Variants in UBAP2 observed in about 807,000 individuals in gnomAD.
UBAP2 encodes ubiquitin-associated protein 2.
UBAP2 carries 75 observed loss-of-function variants against 139.6 expected under a neutral mutation model. That is an observed-to-expected ratio of 0.54 (90% CI 0.45 to 0.65). UBAP2 has a LOEUF of 0.65. Among genes scored for constraint, UBAP2 ranks in the 30% least tolerant of loss-of-function variants. The pLI, the probability that UBAP2 is intolerant of heterozygous loss-of-function variation, is 0.00. For missense variants in UBAP2, 1,368 were observed against 1,369.6 expected, an observed-to-expected ratio of 1.00 and a Z score of 0.02; for synonymous variants, 526 against 526.2, an observed-to-expected ratio of 1.00 and a Z score of 0.01.
chr9:34,009,645 G>A (rs887456828), intron 2 of UBAP2, among the ~76,000 whole-genome samples: 1 of 151,508 alleles, frequency 6.6e-6, no homozygotes, highest in Non-Finnish European at 1.5e-5. Context: ...AATTTTTGTA[G>A]AGACAGGTCT....
chr9:34,004,661 G>C (rs1286620330), intron 2 of UBAP2, among the ~76,000 whole-genome samples: 1 of 151,716 alleles, frequency 6.6e-6, no homozygotes, highest in Non-Finnish European at 1.5e-5. Flanking sequence ...GCGGGCACCT[G>C]TAGTCCCAGC....
chr9:33,942,792 A>G (rs1182038210), intron 15 of UBAP2, among the ~76,000 whole-genome samples: 1 of 152,130 alleles, frequency 6.6e-6, no homozygotes, highest in East Asian at 1.9e-4. Flanking sequence ...AAAATATTCC[A>G]CTGAAGGAAA....
intron 10 of UBAP2, among the ~76,000 whole-genome samples, chr9:33,958,342 A>G (rs1051750727): frequency 2.0e-5 from 3 of 152,166 alleles, no homozygotes; most frequent in African/African-American, 7.2e-5. Context: ...GAAAAAGAGA[A>G]AAAATAAATG....
At chr9:33,950,223 G>A (rs554738804) in intron 12 of UBAP2, among the ~76,000 whole-genome samples, 6 of 151,770 alleles carry the variant, frequency 4.0e-5, no homozygotes, top group Non-Finnish European at 7.4e-5. Flanking sequence ...CCACCACCAC[G>A]CCCGGCTTTT....
At position 33,928,048 on chromosome 9, in the gene UBAP2, G is replaced by A. The variant is rs965056202; in HGVS notation, c.2176-56C>T. ...CTGGAGGCAGAGGAGGAGGGTGCTGGGGAGAGCCTGGCCTGGCGCTTGGGC... is the reference window on the plus strand; with the variant it reads ...CTGGAGGCAGAGGAGGAGGGTGCTGAGGAGAGCCTGGCCTGGCGCTTGGGC... On this transcript the variant is annotated intron_variant, in intron 19 of 28. Coordinates refer to ENST00000379238, the MANE Select transcript of UBAP2 (RefSeq NM_001370062.2). The A allele has an allele frequency of 2.6e-6, 4 of 1,538,034 alleles. No individual in the cohort carries two copies. In the East Asian group the frequency reaches 6.8e-5, roughly 26 times the overall value.
chr9:34,016,587 G>A (rs553783601), intron 2 of UBAP2, among the ~76,000 whole-genome samples: 14 of 148,186 alleles, frequency 9.4e-5, no homozygotes, highest in African/African-American at 3.0e-4. Context: ...AAGGAGTCTC[G>A]CTTTGTCACC....
At chr9:34,008,780 C>G (rs2131239704) in intron 2 of UBAP2, among the ~76,000 whole-genome samples, 1 of 151,872 alleles carries the variant, frequency 6.6e-6, no homozygotes, top group African/African-American at 2.4e-5. Context: ...TCCTGGCCAA[C>G]ATGGTGAAAC....
At chr9:33,948,793 C>A in intron 12 of UBAP2, 1 of 489,628 alleles carries the variant, frequency 2.0e-6, no homozygotes, top group Non-Finnish European at 3.6e-6. Context: ...CTTCCTCATT[C>A]TGACATAAGA....
At chr9:33,942,045 G>C (rs995393647) in intron 15 of UBAP2, among the ~76,000 whole-genome samples, 183 bp from the exon 16 acceptor site, 1 of 152,188 alleles carries the variant, frequency 6.6e-6, no homozygotes, top group Non-Finnish European at 1.5e-5. Context: ...TGCGTGCGGT[G>C]GCTCACGCCT....
chr9:34,032,439 T>TC (rs1023711535), intron 1 of UBAP2, among the ~76,000 whole-genome samples: 4 of 152,140 alleles, frequency 2.6e-5, no homozygotes, highest in African/African-American at 9.7e-5. Flanking sequence ...CACTAGTTAC[T>TC]CTGTCCCAAG....
At chr9:33,991,370 A>T (rs1173950802) in intron 4 of UBAP2, among the ~76,000 whole-genome samples, 1 of 152,146 alleles carries the variant, frequency 6.6e-6, no homozygotes, top group African/African-American at 2.4e-5. Flanking sequence ...TCAACAGCAT[A>T]AAAGGAGGGG....
chr9:33,980,382 G>A (rs1411102909), intron 6 of UBAP2, among the ~76,000 whole-genome samples: 8 of 149,236 alleles, frequency 5.4e-5, no homozygotes, highest in Non-Finnish European at 8.9e-5. Flanking sequence ...ACAGGCGCCC[G>A]CCACCACACC....
chr9:34,020,134 A>G (rs1824790251), intron 1 of UBAP2, among the ~76,000 whole-genome samples: 1 of 145,488 alleles, frequency 6.9e-6, no homozygotes, highest in South Asian at 2.3e-4. Context: ...TGGGTGACAG[A>G]GGGAGACTCC....
Position 34,047,227 on chromosome 9 carries a change from G to GT in UBAP2, c.-42+1597dup, listed in dbSNP as rs1337230619. Among the ~76,000 whole-genome samples, 6 of 152,296 alleles carry GT rather than the reference G, an allele frequency of 3.9e-5. No individual in the cohort carries two copies. The South Asian group carries it at 6.2e-4, about 16-fold the overall frequency. ...GCTGTGGGAAAATCTCTCGTCACAC[G>GT]TATCAACTAGCCATAAGTAGGAAAA... On this transcript the variant is annotated intron_variant, in intron 1 of 28. Coordinates refer to ENST00000379238, the MANE Select transcript of UBAP2 (RefSeq NM_001370062.2).
Position 33,989,740 on chromosome 9 carries a change from T to C in UBAP2, c.289-614A>G, listed in dbSNP as rs201323209. ...AGTAAAAGTCATTTCCCCAAGCTCC[T>C]ATTCTACACCACCTCACTTACCTCT... On this transcript the variant is annotated intron_variant, in intron 4 of 28. Coordinates refer to ENST00000379238, the MANE Select transcript of UBAP2 (RefSeq NM_001370062.2). Among the ~76,000 whole-genome samples the C allele has an allele frequency of 2.6e-5, 4 of 152,262 alleles. No homozygotes were observed. The East Asian group carries it at 7.7e-4, about 29-fold the overall frequency.
At chr9:33,943,690 C>G in intron 14 of UBAP2, 101 bp from the exon 15 acceptor site, 2 of 1,083,754 alleles carry the variant, frequency 1.8e-6, no homozygotes, top group East Asian at 4.8e-5. Context: ...CCAGGCAATA[C>G]TGGCAAGAAG....
At chr9:34,009,249 C>A (rs771877483) in intron 2 of UBAP2, among the ~76,000 whole-genome samples, 7 of 151,814 alleles carry the variant, frequency 4.6e-5, no homozygotes, top group Non-Finnish European at 8.8e-5. Flanking sequence ...CAGGTGCACA[C>A]CACCACGGCC....
intron 18 of UBAP2, among the ~76,000 whole-genome samples, chr9:33,933,126 A>T (rs1373209294): frequency 6.6e-6 from 1 of 152,176 alleles, no homozygotes; most frequent in Non-Finnish European, 1.5e-5. Flanking sequence ...CAAGTCAGAC[A>T]CCTGCTCAGA....
rs917688661 is a variant in UBAP2 at position 34,017,199 on chromosome 9, A to C, written c.-41-10T>G. On this transcript the variant is annotated splice_polypyrimidine_tract_variant and intron_variant, in intron 1 of 28. Coordinates refer to ENST00000379238, the MANE Select transcript of UBAP2 (RefSeq NM_001370062.2). ...GTACAAAATAGAAAATCTGCAAGAA[A>C]GTAGGGATGGTAAGCAAAACAATCA... is the stretch of plus-strand genomic sequence containing the variant. 7.6e-7 allele frequency: 1 copy of C among 1,318,780 alleles called. No individual in the cohort carries two copies. The highest frequency in any genetic ancestry group is 2.4e-5 in the Admixed American group (1 of 41,130). The allele number at this position is 1,318,780 out of a possible 1,614,324, so 81.7% of individuals were successfully genotyped here.
Sources: gnomAD v4.1 joint callset for allele counts (sites outside exome capture counted in the v4.1 genomes callset) on GRCh38, gnomAD v4.1.1 for gene constraint, MANE v1.5 for transcripts, NCBI Gene and HGNC (gene_info 2026-07-23, HGNC 2026-07-21) for gene names.